Variants in MEMO1 observed in about 807,000 individuals in gnomAD.
The protein encoded by MEMO1 is protein MEMO1.
Under a neutral mutation model 45.2 loss-of-function variants are expected in MEMO1, and 6 were observed. The ratio of observed to expected loss-of-function variants is 0.13; its 90% CI spans 0.07 to 0.26. The LOEUF is 0.26. Among genes scored for constraint, MEMO1 ranks in the 10% least tolerant of loss-of-function variants. The pLI, the probability that MEMO1 is intolerant of heterozygous loss-of-function variation, is 1.00. For synonymous variants in MEMO1, 78 were observed against 124.3 expected (o/e 0.63, Z 2.48); for missense variants, 184 against 370.5 (o/e 0.50, Z 4.13).
intron 2 of MEMO1, among the ~76,000 whole-genome samples, chr2:32,005,767 T>A (rs113330026): frequency 0.012 from 1,794 of 152,326 alleles, 41 homozygotes; most frequent in African/African-American, 0.04. Flanking sequence ...CCAAGCACTT[T>A]AACATTCAGT....
rs114725624 is a variant in MEMO1, at chr2:31,957,960, T to C, written c.62-14577A>G. Among the ~76,000 whole-genome samples, 1,367 of 152,282 alleles carry C rather than the reference T, an allele frequency of 9.0e-3. 21 individuals carry two copies. Among genetic ancestry groups the C allele is most frequent in the African/African-American group, 0.031 (1,308 of 41,548 alleles). On this transcript the variant is annotated intron_variant, in intron 2 of 9. Transcript: ENST00000404530. ...AGTGCCAGCTCATCCATCTAAAAAG[T>C]TTCTGATTTAGCAACCATAAGATGC...
At chr2:31,903,314 G>C (rs903959108) in intron 6 of MEMO1, among the ~76,000 whole-genome samples, 13 of 147,318 alleles carry the variant, frequency 8.8e-5, no homozygotes, top group Non-Finnish European at 1.6e-4. Flanking sequence ...AGTCAGAAGG[G>C]ACAGGATCCT....
intron 2 of MEMO1, among the ~76,000 whole-genome samples, chr2:31,962,910 T>A (rs1291357997): frequency 6.6e-6 from 1 of 152,188 alleles, no homozygotes; most frequent in African/African-American, 2.4e-5. Context: ...GTAAAGCAGA[T>A]TATCCTCCCT....
intron 8 of MEMO1, among the ~76,000 whole-genome samples, chr2:31,880,105 A>C (rs1485639018): frequency 6.6e-6 from 1 of 152,204 alleles, no homozygotes; most frequent in East Asian, 1.9e-4. Context: ...GTCACGGACT[A>C]TGTTTTCTCT....
intron 2 of MEMO1, among the ~76,000 whole-genome samples, chr2:31,977,250 C>A (rs1670110810): frequency 6.6e-6 from 1 of 152,104 alleles, no homozygotes; most frequent in Non-Finnish European, 1.5e-5. Flanking sequence ...CCTTTAAAAC[C>A]TAGGTTAAGC....
chr2:31,943,250 G>A (rs1012299853), intron 3 of MEMO1, 52 bp downstream of exon 3: 9 of 1,357,668 alleles, frequency 6.6e-6, no homozygotes, highest in Non-Finnish European at 9.5e-6. Context: ...GGGCGACACA[G>A]GGAGACTCCT....
At chr2:31,952,229 C>G (rs551188829) in intron 2 of MEMO1, among the ~76,000 whole-genome samples, 1 of 152,224 alleles carries the variant, frequency 6.6e-6, no homozygotes, top group South Asian at 2.1e-4. Context: ...TCTTGGATTC[C>G]TTACTATCTA....
chr2:31,874,922 T>C (rs1674345910), intron 8 of MEMO1, among the ~76,000 whole-genome samples: 1 of 151,854 alleles, frequency 6.6e-6, no homozygotes, highest in African/African-American at 2.4e-5. Context: ...AGTGTACATA[T>C]ATATATACAT....
At chr2:31,950,401 C>T (rs1266821834) in intron 2 of MEMO1, among the ~76,000 whole-genome samples, 2 of 146,514 alleles carry the variant, frequency 1.4e-5, no homozygotes, top group African/African-American at 2.5e-5. Context: ...CAAAAAAAAA[C>T]CTATTAATGA....
chr2:31,963,914 C>CA (rs911536570), intron 2 of MEMO1, among the ~76,000 whole-genome samples: 3 of 151,756 alleles, frequency 2.0e-5, no homozygotes, highest in Non-Finnish European at 4.4e-5. Flanking sequence ...AGATTCATAC[C>CA]AAAAAAAGAA....
chr2:31,926,072 C>T (rs1199830077), intron 4 of MEMO1, among the ~76,000 whole-genome samples: 1 of 152,042 alleles, frequency 6.6e-6, no homozygotes, highest in African/African-American at 2.4e-5. Context: ...AAGATTTCCC[C>T]AAAGTGAATG....
chr2:31,933,392 AAG>A (rs1274140341), intron 3 of MEMO1, among the ~76,000 whole-genome samples: 4 of 109,134 alleles, frequency 3.7e-5, no homozygotes, highest in East Asian at 6.8e-4. Context: ...TAGAAAGGGG[AAG>A]AGAGGGGAAA....
At chr2:31,904,068 T>C (rs1407746735) in intron 6 of MEMO1, among the ~76,000 whole-genome samples, 1 of 152,092 alleles carries the variant, frequency 6.6e-6, no homozygotes, top group Non-Finnish European at 1.5e-5. Flanking sequence ...TAAGATGGCA[T>C]TTCAGAGAGT....
At chr2:31,875,209 A>G (rs1270802157) in intron 8 of MEMO1, among the ~76,000 whole-genome samples, 1 of 152,204 alleles carries the variant, frequency 6.6e-6, no homozygotes, top group African/African-American at 2.4e-5. Flanking sequence ...TTATTCAGAA[A>G]TCATATTCCA....
chr2:31,986,796 T>C (rs1671314545), intron 2 of MEMO1, among the ~76,000 whole-genome samples: 1 of 152,166 alleles, frequency 6.6e-6, no homozygotes, highest in African/African-American at 2.4e-5. Flanking sequence ...ACTGCTATTC[T>C]ATGTGCAGTA....
At chr2:31,875,195 A>G (rs1193612359) in intron 8 of MEMO1, among the ~76,000 whole-genome samples, 1 of 152,184 alleles carries the variant, frequency 6.6e-6, no homozygotes, top group African/African-American at 2.4e-5. Context: ...CAAATACTCA[A>G]TATTTATTCA....
rs550424857 is a variant in MEMO1, at chr2:32,009,112, T to C, written c.61+1075A>G. Reference sequence around the variant, plus strand: ...AAATAATCCCAGAAAACAGGCATTCTAACAAGCACTTTATTAAAGGGAAAG... The same window carrying C: ...AAATAATCCCAGAAAACAGGCATTCCAACAAGCACTTTATTAAAGGGAAAG... On this transcript the variant is annotated intron_variant, in intron 2 of 9. Coordinates refer to ENST00000404530, the MANE Select transcript of MEMO1 (RefSeq NM_001301833.4). Among the ~76,000 whole-genome samples the C allele has an allele frequency of 2.5e-3, 387 of 151,936 alleles. 1 individual carries two copies. Among genetic ancestry groups the C allele is most frequent in the South Asian group, 0.017 (81 of 4,810 alleles).
At chr2:32,001,032 A>ATTTTTTTTTTTTTTT (rs66617379) in intron 2 of MEMO1, among the ~76,000 whole-genome samples, 1 of 104,558 alleles carries the variant, frequency 9.6e-6, no homozygotes, top group Non-Finnish European at 1.9e-5. Flanking sequence ...ATAAATTTTG[A>ATTTTTTTTTTTTTTT]TTTTTTTTTT....
intron 4 of MEMO1, among the ~76,000 whole-genome samples, chr2:31,931,689 A>G (rs1477308947): frequency 6.6e-6 from 1 of 152,184 alleles, no homozygotes; most frequent in Non-Finnish European, 1.5e-5. Flanking sequence ...TTATCCTTTC[A>G]GTAACCACAA....
Sources: gnomAD v4.1 joint callset for allele counts (sites outside exome capture counted in the v4.1 genomes callset) on GRCh38, gnomAD v4.1.1 for gene constraint, MANE v1.5 for transcripts, NCBI Gene and HGNC (gene_info 2026-07-23, HGNC 2026-07-21) for gene names.